The following POLR3H variants were observed in gnomAD, a reference collection of about 807,000 sequenced individuals.
POLR3H encodes DNA-directed RNA polymerase III subunit RPC8.
In POLR3H, 17 loss-of-function variants were observed where a neutral mutation model predicts 25.5. The observed-to-expected ratio is 0.67, with a 90% CI of 0.46 to 1.00. POLR3H has a LOEUF of 1.00. POLR3H is among the 50% of genes least tolerant of loss of function. The pLI is 0.00. For missense variants in POLR3H, 274 were observed against 265.0 expected (o/e 1.03, Z -0.24); for synonymous variants, 129 against 103.0 (o/e 1.25, Z -1.53).
chr22:41,541,652 A>G (rs1371356241), intron 1 of POLR3H, among the ~76,000 whole-genome samples: 1 of 152,160 alleles, frequency 6.6e-6, no homozygotes, highest in Non-Finnish European at 1.5e-5. Flanking sequence ...CGATTCATCT[A>G]ATCAAATACT....
Position 41,527,201 on chromosome 22 carries a change from A to C in POLR3H, c.*2082T>G. ...GGGAGCCTCAGGATGCCCAGGCGCC[A>C]GGTGGGTGAGGCCAGGCAGGTAGGG... On this transcript the variant is annotated 3_prime_UTR_variant, in exon 6 of 6. Transcript: ENST00000355209. 6.3e-7 allele frequency: 1 copy of C among 1,595,380 alleles called. No homozygotes were observed. The highest frequency in any genetic ancestry group is 1.1e-5 in the South Asian group (1 of 90,146).
At position 41,527,275 on chromosome 22, in the gene POLR3H, G is replaced by A. The variant is rs142233044; in HGVS notation, c.*2008C>T. The A allele has an allele frequency of 2.3e-3, 3,645 of 1,614,098 alleles. 62 individuals carry two copies. The African/African-American group carries it at 0.036, about 16-fold the overall frequency. On this transcript the variant is annotated 3_prime_UTR_variant, in exon 6 of 6. Coordinates refer to ENST00000355209, the MANE Select transcript of POLR3H (RefSeq NM_001018050.4). ...TCCTCTGCCTTATAACCTTACCCCC[G>A]CTTGCCTGACAGAAACATGGCATCA...
rs2066596230 is a variant in POLR3H, at chr22:41,526,369, C to T, written c.*2914G>A. On this transcript the variant is annotated 3_prime_UTR_variant, in exon 6 of 6. Transcript: ENST00000355209. ...ACAACCTGCTCATTGGTGCCATCAA[C>T]ATTGAAAACGGCAAGGCCAACTCCG... 6.2e-7 allele frequency: 1 copy of T among 1,613,818 alleles called. No homozygotes were observed. Among genetic ancestry groups the T allele is most frequent in the South Asian group, 1.1e-5 (1 of 91,054 alleles).
At chr22:41,531,922 A>T (rs910415071) in intron 4 of POLR3H, among the ~76,000 whole-genome samples, 172 bp downstream of exon 4, 3 of 152,208 alleles carry the variant, frequency 2.0e-5, no homozygotes, top group Admixed American at 1.3e-4. Flanking sequence ...GACTCCCTGC[A>T]TGGGAGGCAC....
intron 2 of POLR3H, among the ~76,000 whole-genome samples, chr22:41,534,498 T>C (rs746940159): frequency 3.9e-5 from 6 of 152,028 alleles, no homozygotes; most frequent in Non-Finnish European, 8.8e-5. Context: ...ACCACATCCA[T>C]AGAGACAGAA....
Position 41,532,705 on chromosome 22 carries a change from C to G in POLR3H, c.249G>C (p.Glu83Asp), listed in dbSNP as rs749222450. The change falls in exon 3 of 6, where the codon GAG becomes GAC. Residue 83 changes from glutamate to aspartate, a missense_variant. Glu to Asp is a conservative substitution (Grantham distance 45). Coordinates refer to ENST00000355209, the MANE Select transcript of POLR3H (RefSeq NM_001018050.4). Reference protein sequence around the residue: ...RCVVFHPFLDEILIGKIKGCS... With the variant: ...RCVVFHPFLDDILIGKIKGCS... ...AGCCTTTGATCTTCCCAATGAGAAT[C>G]TCATCTAGGAATGGATGAAACACCA... The G allele has an allele frequency of 6.2e-7, 1 of 1,613,992 alleles. No individual in the cohort carries two copies. Among genetic ancestry groups the G allele is most frequent in the Non-Finnish European group, 8.5e-7 (1 of 1,179,998 alleles).
chr22:41,534,224 G>T (rs1401796538), intron 2 of POLR3H, among the ~76,000 whole-genome samples: 1 of 152,158 alleles, frequency 6.6e-6, no homozygotes, highest in African/African-American at 2.4e-5. Flanking sequence ...GACAGCACAT[G>T]ATCCTGCGCC....
At chr22:41,541,283 G>A (rs566391213) in intron 1 of POLR3H, among the ~76,000 whole-genome samples, 1 of 152,296 alleles carries the variant, frequency 6.6e-6, no homozygotes, top group African/African-American at 2.4e-5. Flanking sequence ...CAATGCCAGA[G>A]CTCACAGTTT....
rs772585907 is a variant in POLR3H, at chr22:41,527,880, C to T, written c.*1403G>A. On this transcript the variant is annotated 3_prime_UTR_variant, in exon 6 of 6. Coordinates refer to ENST00000355209, the MANE Select transcript of POLR3H (RefSeq NM_001018050.4). ...CCAGGCTAGTCAGGCCCCCGATGAC[C>T]GAATGCCGCCTGCTTTCCAGAGACC... 1.7e-5 allele frequency: 28 copies of T among 1,614,106 alleles called. No homozygotes were observed. Among genetic ancestry groups the T allele is most frequent in the Middle Eastern group, 1.6e-4 (1 of 6,062 alleles).
At chr22:41,534,806 A>G (rs2066812841) in intron 2 of POLR3H, among the ~76,000 whole-genome samples, 1 of 151,702 alleles carries the variant, frequency 6.6e-6, no homozygotes, top group Non-Finnish European at 1.5e-5. Context: ...AGGCATGAGA[A>G]TTGCTTGAAA....
chr22:41,540,200 C>T, intron 2 of POLR3H: 1 of 264,234 alleles, frequency 3.8e-6, no homozygotes, highest in Non-Finnish European at 7.4e-6. Flanking sequence ...TGCTGATCCC[C>T]CTTCCGTCTG....
At chr22:41,540,575 T>C in intron 2 of POLR3H, 124 bp downstream of exon 2, 1 of 772,106 alleles carries the variant, frequency 1.3e-6, no homozygotes. Context: ...ACTCTGTGGC[T>C]CAAGAGATCC....
Position 41,529,231 on chromosome 22 carries a change from C to A in POLR3H, c.*52G>T, listed in dbSNP as rs1055472983. The A allele has an allele frequency of 1.3e-6, 2 of 1,513,906 alleles. No homozygotes were observed. Among genetic ancestry groups the A allele is most frequent in the East Asian group, 4.6e-5 (2 of 43,956 alleles). The allele number at this position is 1,513,906 out of a possible 1,614,324, so 93.8% of individuals were successfully genotyped here. A position where few individuals can be genotyped will look rare whatever the true frequency, so the allele number is the denominator to read the frequency against. ...CCTCAGCTGCTGTTGTCTTCACAGC[C>A]GGCCATACCACCTTCCCGCAGGCTG... On this transcript the variant is annotated 3_prime_UTR_variant, in exon 6 of 6. Coordinates refer to ENST00000355209, the MANE Select transcript of POLR3H (RefSeq NM_001018050.4).
chr22:41,528,073 GT>G lies in POLR3H; in HGVS notation c.*1209del, dbSNP rs768971225. 6.2e-7 allele frequency: 1 copy of G among 1,612,412 alleles called. No individual in the cohort carries two copies. The highest frequency in any genetic ancestry group is 1.1e-5 in the South Asian group (1 of 91,024). ...TGGTGGGGTGAGGGGCAGCCACCTT[GT>G]TTCCCCTCCTGCACTGGCCCCAGGG... On this transcript the variant is annotated 3_prime_UTR_variant, in exon 6 of 6. Transcript: ENST00000355209.
rs934715556 is a variant in POLR3H at position 41,527,479 on chromosome 22, C to T, written c.*1804G>A. On this transcript the variant is annotated 3_prime_UTR_variant, in exon 6 of 6. Coordinates refer to ENST00000355209, the MANE Select transcript of POLR3H (RefSeq NM_001018050.4). ...CCCATCCCTAGTGATCAAGGTCACT[C>T]TCCCTGCCCGTGGCTGAGTTGGGCC... is the stretch of plus-strand genomic sequence containing the variant. The T allele has an allele frequency of 7.1e-6, 11 of 1,550,068 alleles. No homozygotes were observed. The highest frequency in any genetic ancestry group is 7.8e-6 in the Non-Finnish European group (9 of 1,149,526).
At chr22:41,529,762 TG>T (rs1384248075) in intron 5 of POLR3H, 22 of 434,522 alleles carry the variant, frequency 5.1e-5, no homozygotes, top group African/African-American at 1.7e-4. Flanking sequence ...TTTTTTTTGT[TG>T]TTTTTTTTTT....
chr22:41,526,800 G>T lies in POLR3H; in HGVS notation c.*2483C>A. 3.1e-6 allele frequency: 1 copy of T among 318,852 alleles called. No homozygotes were observed. The allele number at this position is 318,852 out of a possible 1,614,324, so 19.8% of individuals were successfully genotyped here. A position where few individuals can be genotyped will look rare whatever the true frequency, so the allele number is the denominator to read the frequency against. ...GGGCCTCACAGTGAGCAGGCAGAGAGGGTCTGAGGTGATTGGACTTTTTCT... is the reference window on the plus strand; with the variant it reads ...GGGCCTCACAGTGAGCAGGCAGAGATGGTCTGAGGTGATTGGACTTTTTCT... On this transcript the variant is annotated 3_prime_UTR_variant, in exon 6 of 6. Coordinates refer to ENST00000355209, the MANE Select transcript of POLR3H (RefSeq NM_001018050.4).
intron 3 of POLR3H, 129 bp from the exon 4 acceptor site, chr22:41,532,286 C>T: frequency 1.1e-6 from 1 of 906,454 alleles, no homozygotes; most frequent in Non-Finnish European, 1.8e-6. Flanking sequence ...CTGTGGAAAC[C>T]TAGGCCCCTT....
chr22:41,533,678 A>G (rs1362305394), intron 2 of POLR3H: 1 of 1,303,904 alleles, frequency 7.7e-7, no homozygotes, highest in Non-Finnish European at 1.0e-6. Context: ...CAGCCGATGG[A>G]CCTCTCACCC....
Sources: gnomAD v4.1 joint callset for allele counts (sites outside exome capture counted in the v4.1 genomes callset) on GRCh38, gnomAD v4.1.1 for gene constraint, MANE v1.5 for transcripts, NCBI Gene and HGNC (gene_info 2026-07-23, HGNC 2026-07-21) for gene names.